COL26A1: variants seen among roughly 807,000 people sequenced by gnomAD.
COL26A1 encodes the protein collagen alpha-1(XXVI) chain.
Under a neutral mutation model 59.3 loss-of-function variants are expected in COL26A1, and 41 were observed. The observed-to-expected ratio is 0.69, with a 90% CI of 0.54 to 0.90. COL26A1 has a LOEUF of 0.90. COL26A1 is among the 40% of genes least tolerant of loss of function. The pLI, the probability that COL26A1 is intolerant of heterozygous loss-of-function variation, is 0.00. For missense variants in COL26A1, 612 were observed against 602.3 expected, an observed-to-expected ratio of 1.02 and a Z score of -0.17; for synonymous variants, 266 against 256.0, an observed-to-expected ratio of 1.04 and a Z score of -0.37.
chr7:101,489,664 C>T (rs12056073), intron 3 of COL26A1, among the ~76,000 whole-genome samples: 3,737 of 21,744 alleles, frequency 0.17, 512 homozygotes, highest in African/African-American at 0.43. Flanking sequence ...TTTCTTTCTT[C>T]CTTCCTTCCT....
chr7:101,452,323 T>C (rs914893177), intron 3 of COL26A1, among the ~76,000 whole-genome samples: 1 of 152,182 alleles, frequency 6.6e-6, no homozygotes, highest in Non-Finnish European at 1.5e-5. Flanking sequence ...AGTAGGTTCA[T>C]GTGGGGCTGT....
At chr7:101,394,126 G>T (rs1248964963) in intron 1 of COL26A1, among the ~76,000 whole-genome samples, 1 of 151,960 alleles carries the variant, frequency 6.6e-6, no homozygotes. Flanking sequence ...CTTAGAGCTA[G>T]GACCAGTGGA....
At chr7:101,387,660 AATAC>A (rs969787738) in intron 1 of COL26A1, among the ~76,000 whole-genome samples, 8 of 133,690 alleles carry the variant, frequency 6.0e-5, no homozygotes, top group Non-Finnish European at 1.1e-4. Flanking sequence ...TATATATATA[AATAC>A]ATACATATAT....
chr7:101,370,213 A>G (rs934011330), intron 1 of COL26A1, among the ~76,000 whole-genome samples: 1 of 152,072 alleles, frequency 6.6e-6, no homozygotes, highest in African/African-American at 2.4e-5. Flanking sequence ...AGGGGTAAGA[A>G]TAGACTTCCC....
chr7:101,550,849 A>G (rs1162847836), intron 9 of COL26A1, among the ~76,000 whole-genome samples: 1 of 152,144 alleles, frequency 6.6e-6, no homozygotes, highest in Non-Finnish European at 1.5e-5. Flanking sequence ...TCTCTGCCTG[A>G]CAGCCGTACG....
chr7:101,483,737 C>T (rs576993643), intron 3 of COL26A1, among the ~76,000 whole-genome samples: 4 of 149,308 alleles, frequency 2.7e-5, no homozygotes, highest in Admixed American at 1.3e-4. Flanking sequence ...TGCAATGGCG[C>T]GATCTCAGCT....
At chr7:101,501,937 G>A (rs1410836130) in intron 3 of COL26A1, among the ~76,000 whole-genome samples, 3 of 151,794 alleles carry the variant, frequency 2.0e-5, no homozygotes, top group Non-Finnish European at 4.4e-5. Flanking sequence ...CATGGGCTGC[G>A]TGTGCAGCTC....
At chr7:101,408,335 C>T (rs367819832) in intron 1 of COL26A1, among the ~76,000 whole-genome samples, 31 of 152,318 alleles carry the variant, frequency 2.0e-4, no homozygotes, top group South Asian at 6.2e-4. Flanking sequence ...GCTCTTTCAG[C>T]GTTGTCCCCA....
chr7:101,392,519 A>G (rs1197709463), intron 1 of COL26A1, among the ~76,000 whole-genome samples: 1 of 150,066 alleles, frequency 6.7e-6, no homozygotes, highest in Non-Finnish European at 1.5e-5. Context: ...CTCCTGCCTC[A>G]GCCTCCTGAG....
chr7:101,501,632 C>A (rs1019355727), intron 3 of COL26A1, among the ~76,000 whole-genome samples: 4 of 152,202 alleles, frequency 2.6e-5, no homozygotes, highest in African/African-American at 9.6e-5. Context: ...GGCCTGTATC[C>A]TTTGCGCTGT....
chr7:101,544,095 T>C lies in COL26A1; in HGVS notation c.702T>C (p.Pro234=). Residue 234 remains proline (P), a splice_region_variant and synonymous_variant, in exon 6 of 13, where the codon CCT becomes CCC. Coordinates refer to ENST00000313669, the MANE Select transcript of COL26A1 (RefSeq NM_001278563.3). The part of the protein sequence containing the change: ...QTGEKGPAGP[P]GLLGPPGPRG... ...GAGAGAAGGGTCCAGCGGGGCCGCC[T>C]GGTAAGAAAACCCCCCACATATGTG... 5 of 1,598,082 alleles carry C rather than the reference T, an allele frequency of 3.1e-6. No homozygotes were observed. Among genetic ancestry groups the C allele is most frequent in the Non-Finnish European group, 4.3e-6 (5 of 1,172,728 alleles).
intron 1 of COL26A1, among the ~76,000 whole-genome samples, chr7:101,366,797 G>A (rs6963970): frequency 0.21 from 32,358 of 151,876 alleles, 3,651 homozygotes; most frequent in Non-Finnish European, 0.25. Context: ...CACTGTGCCT[G>A]GCCAAAAAGC....
intron 1 of COL26A1, among the ~76,000 whole-genome samples, chr7:101,401,781 G>A (rs898172536): frequency 8.6e-5 from 13 of 151,898 alleles, no homozygotes; most frequent in African/African-American, 3.1e-4. Flanking sequence ...AGAGGAGGAG[G>A]AGGAGGAAGA....
At chr7:101,391,545 A>T (rs1245083694) in intron 1 of COL26A1, among the ~76,000 whole-genome samples, 3 of 152,010 alleles carry the variant, frequency 2.0e-5, no homozygotes, top group African/African-American at 7.2e-5. Flanking sequence ...TGATCTCTGC[A>T]TTTGGACCCT....
chr7:101,362,418 C>T (rs1208900935), upstream of COL26A1, among the ~76,000 whole-genome samples: 1 of 152,110 alleles, frequency 6.6e-6, no homozygotes, highest in African/African-American at 2.4e-5. Context: ...GAGGAGAATC[C>T]TGGGAAGCTC....
chr7:101,506,119 G>A (rs1249653685), intron 3 of COL26A1, among the ~76,000 whole-genome samples: 2 of 152,146 alleles, frequency 1.3e-5, no homozygotes, highest in African/African-American at 4.8e-5. Context: ...ATGGACTCTG[G>A]GTGAAATCAC....
intron 2 of COL26A1, among the ~76,000 whole-genome samples, chr7:101,442,727 TGA>T (rs893490815): frequency 2.6e-5 from 4 of 152,166 alleles, no homozygotes; most frequent in African/African-American, 4.8e-5. Flanking sequence ...AGTGTGAGGC[TGA>T]GTGTGTGTTT....
intron 3 of COL26A1, among the ~76,000 whole-genome samples, chr7:101,508,315 A>G (rs1794853820): frequency 6.6e-6 from 1 of 152,176 alleles, no homozygotes; most frequent in South Asian, 2.1e-4. Flanking sequence ...TGAGGCCAGG[A>G]GTTCAAGACC....
Position 101,372,681 on chromosome 7 carries a change from A to C in COL26A1, c.158+9491A>C, listed in dbSNP as rs549636598. 2.0e-3 allele frequency among the ~76,000 whole-genome samples: 308 copies of C among 151,906 alleles called. 1 individual carries two copies. Among genetic ancestry groups the C allele is most frequent in the Middle Eastern group, 3.4e-3 (1 of 294 alleles). On this transcript the variant is annotated intron_variant, in intron 1 of 12. Coordinates refer to ENST00000313669, the MANE Select transcript of COL26A1 (RefSeq NM_001278563.3). ...TGTCATTAGCTATTGCCTGACATAT[A>C]GTTAGTGGGACTGAGTTCAGAGTGG...
Sources: allele counts gnomAD v4.1 joint callset (sites outside exome capture counted in the v4.1 genomes callset), GRCh38; gene constraint gnomAD v4.1.1; transcripts MANE v1.5; gene names NCBI Gene and HGNC (gene_info 2026-07-23, HGNC 2026-07-21).